GRM7: variants seen among roughly 807,000 people sequenced by gnomAD.
The protein encoded by GRM7 is glutamate metabotropic receptor 7.
A neutral mutation model predicts 84.5 loss-of-function variants in GRM7; 35 were observed. The observed-to-expected ratio is 0.41, with a 90% CI of 0.32 to 0.55. GRM7 has a LOEUF of 0.55. Ranked by LOEUF, GRM7 falls within the 20% of genes least tolerant of loss-of-function variation. The pLI, the probability that GRM7 is intolerant of heterozygous loss-of-function variation, is 0.19. For synonymous variants in GRM7, 487 were observed against 455.1 expected (o/e 1.07, Z -0.89); for missense variants, 1,003 against 1,194.6 (o/e 0.84, Z 2.36).
chr3:7,167,640 C>T (rs1028246537), intron 2 of GRM7, among the ~76,000 whole-genome samples: 3 of 152,060 alleles, frequency 2.0e-5, no homozygotes, highest in African/African-American at 7.2e-5. Flanking sequence ...AATGGCTCAA[C>T]TCCAATGACT....
At chr3:7,316,011 T>A (rs939036167) in intron 4 of GRM7, among the ~76,000 whole-genome samples, 2 of 152,112 alleles carry the variant, frequency 1.3e-5, no homozygotes, top group African/African-American at 4.8e-5. Context: ...CAAGATACTC[T>A]CATCAAGATG....
At chr3:7,172,118 A>G (rs1205032078) in intron 2 of GRM7, among the ~76,000 whole-genome samples, 1 of 152,180 alleles carries the variant, frequency 6.6e-6, no homozygotes, top group Non-Finnish European at 1.5e-5. Flanking sequence ...TTTCAAAATA[A>G]TACAGTGTCA....
At chr3:7,618,740 T>C (rs1697227289) in intron 8 of GRM7, among the ~76,000 whole-genome samples, 1 of 152,134 alleles carries the variant, frequency 6.6e-6, no homozygotes, top group Admixed American at 6.6e-5. Flanking sequence ...AATTGCTCAA[T>C]CTGCTCACTC....
At chr3:7,699,699 C>G (rs879664926) in intron 9 of GRM7, among the ~76,000 whole-genome samples, 15 of 152,026 alleles carry the variant, frequency 9.9e-5, no homozygotes, top group Admixed American at 9.8e-4. Flanking sequence ...GAATTATTTT[C>G]TTAGCCCTCT....
At chr3:7,257,840 G>A (rs920071670) in intron 2 of GRM7, among the ~76,000 whole-genome samples, 7 of 152,040 alleles carry the variant, frequency 4.6e-5, no homozygotes, top group African/African-American at 1.7e-4. Flanking sequence ...CCTACACTGA[G>A]TAATTAATGT....
chr3:7,390,491 G>A (rs1036390249), intron 4 of GRM7, among the ~76,000 whole-genome samples: 7 of 151,426 alleles, frequency 4.6e-5, no homozygotes, highest in Non-Finnish European at 1.0e-4. Flanking sequence ...TCATAGATTC[G>A]GTCACCTTAT....
chr3:6,864,745 G>C (rs931562713), intron 1 of GRM7, among the ~76,000 whole-genome samples: 1 of 152,176 alleles, frequency 6.6e-6, no homozygotes, highest in Non-Finnish European at 1.5e-5. Flanking sequence ...TAAATGGGGG[G>C]TGCTGAGCAC....
In GRM7 at chr3:7,358,089, A is replaced by G. The variant is rs1299161079; in HGVS notation, c.1033+51437A>G. Reference sequence around the variant, plus strand: ...ATTCCTCCTCCAACCCATTCTAAGAATACACATGACAAACAACTTTCCTGA... The same window carrying G: ...ATTCCTCCTCCAACCCATTCTAAGAGTACACATGACAAACAACTTTCCTGA... On this transcript the variant is annotated intron_variant, in intron 4 of 9. Coordinates refer to ENST00000357716, the MANE Select transcript of GRM7 (RefSeq NM_000844.4). Among the ~76,000 whole-genome samples, 4 of 152,104 alleles carry G rather than the reference A, an allele frequency of 2.6e-5. No homozygotes were observed. The East Asian group carries it at 7.7e-4, about 29-fold the overall frequency.
In GRM7 at chr3:6,956,477, A is replaced by AT. The variant is rs2125075938; in HGVS notation, c.519+94577dup. 1.1e-5 allele frequency: 5 copies of AT among 443,362 alleles called. No homozygotes were observed. In the East Asian group the frequency reaches 2.8e-4, roughly 25 times the overall value. The allele number at this position is 443,362 out of a possible 1,614,324, so 27.5% of individuals were successfully genotyped here. On this transcript the variant is annotated intron_variant, in intron 1 of 9. Transcript: ENST00000357716. Reference sequence around the variant, plus strand: ...AACGCCGGCACCATGTTTTTCATTCATTTTTTTCTTTTCTCTTATTATTGT... The same window carrying AT: ...AACGCCGGCACCATGTTTTTCATTCATTTTTTTTCTTTTCTCTTATTATTGT...
At position 7,409,492 on chromosome 3, in the gene GRM7, GTTA is replaced by G. The variant is rs1575293149; in HGVS notation, c.1034-5528_1034-5526del. ...CTCTTTTTCACTGTGTCTCTAAGTG[GTTA>G]TTGTTTGTGTATATAAAGATGGATG... On this transcript the variant is annotated intron_variant, in intron 4 of 9. Transcript: ENST00000357716. 2.0e-5 allele frequency among the ~76,000 whole-genome samples: 3 copies of G among 152,092 alleles called. No individual in the cohort carries two copies. In the East Asian group the frequency reaches 5.8e-4, roughly 29 times the overall value.
chr3:7,407,447 G>A (rs1011916227), intron 4 of GRM7, among the ~76,000 whole-genome samples: 7 of 152,140 alleles, frequency 4.6e-5, no homozygotes, highest in African/African-American at 1.2e-4. Context: ...CAAGGGTAGA[G>A]GGTTGTTACT....
At chr3:7,474,127 C>G (rs938531110) in intron 7 of GRM7, among the ~76,000 whole-genome samples, 6 of 152,122 alleles carry the variant, frequency 3.9e-5, no homozygotes, top group East Asian at 1.9e-4. Context: ...ATTTATCTGT[C>G]TTTTGTACTA....
At chr3:6,948,360 C>T (rs552141680) in intron 1 of GRM7, among the ~76,000 whole-genome samples, 25 of 152,284 alleles carry the variant, frequency 1.6e-4, no homozygotes, top group South Asian at 6.2e-4. Flanking sequence ...TGTAGCTGAG[C>T]GGTTTTGAGT....
intron 9 of GRM7, among the ~76,000 whole-genome samples, chr3:7,716,581 T>A (rs1701775675): frequency 6.6e-6 from 1 of 152,174 alleles, no homozygotes; most frequent in Non-Finnish European, 1.5e-5. Flanking sequence ...AGTTTTTTCA[T>A]ACAGTGTCAC....
intron 2 of GRM7, among the ~76,000 whole-genome samples, chr3:7,251,540 G>A (rs1022950506): frequency 1.4e-4 from 22 of 152,100 alleles, no homozygotes; most frequent in African/African-American, 5.1e-4. Flanking sequence ...TAATAGCATA[G>A]GTAGTAGACA....
chr3:6,891,113 A>C (rs949098514), intron 1 of GRM7, among the ~76,000 whole-genome samples: 14 of 151,720 alleles, frequency 9.2e-5, no homozygotes, highest in Admixed American at 2.6e-4. Context: ...TTTTATTTTG[A>C]GCCTATATGT....
At chr3:7,037,896 C>G (rs1200207574) in intron 1 of GRM7, among the ~76,000 whole-genome samples, 2 of 152,118 alleles carry the variant, frequency 1.3e-5, no homozygotes, top group African/African-American at 4.8e-5. Flanking sequence ...AAATAATAAA[C>G]TGAGATCTCA....
chr3:7,404,157 C>CTGCATATACTTCCTCTA (rs1695576830), intron 4 of GRM7, among the ~76,000 whole-genome samples: 1 of 152,098 alleles, frequency 6.6e-6, no homozygotes, highest in African/African-American at 2.4e-5. Flanking sequence ...CATAAGTATT[C>CTGCATATACTTCCTCTA]TGCATATACT....
At position 7,159,879 on chromosome 3, in the gene GRM7, G is replaced by A. The variant is rs1207176136; in HGVS notation, c.736+13211G>A. On this transcript the variant is annotated intron_variant, in intron 2 of 9. Transcript: ENST00000357716. ...AGTTCAAAATCAGTGGTGACATGAG[G>A]ACTTATTTATTTAAAGTGCTTAAGC... is the stretch of plus-strand genomic sequence containing the variant. Among the ~76,000 whole-genome samples the A allele has an allele frequency of 3.9e-5, 6 of 152,052 alleles. No individual in the cohort carries two copies. The South Asian group carries it at 1.0e-3, about 26-fold the overall frequency.
Sources: gnomAD v4.1 joint callset for allele counts (sites outside exome capture counted in the v4.1 genomes callset) on GRCh38, gnomAD v4.1.1 for gene constraint, MANE v1.5 for transcripts, NCBI Gene and HGNC (gene_info 2026-07-23, HGNC 2026-07-21) for gene names.